HMGCLL1: variants seen among roughly 807,000 people sequenced by gnomAD.
HMGCLL1 encodes 3-hydroxy-3-methylglutaryl-CoA lyase like 1, also known as 3-hydroxymethyl-3-methylglutaryl-CoA lyase, cytoplasmic.
In HMGCLL1, 36 loss-of-function variants were observed where a neutral mutation model predicts 39.1. The observed-to-expected ratio is 0.92, with a 90% CI of 0.71 to 1.22. The LOEUF (loss-of-function observed/expected upper bound fraction) is 1.22. Among genes scored for constraint, HMGCLL1 ranks in the 50% most tolerant of loss-of-function variants. The pLI is 0.00. For synonymous variants in HMGCLL1, 149 were observed against 144.0 expected (o/e 1.03, Z -0.25); for missense variants, 451 against 416.5 (o/e 1.08, Z -0.72).
intron 7 of HMGCLL1, among the ~76,000 whole-genome samples, chr6:55,446,123 TA>T (rs1321276548): frequency 6.6e-6 from 1 of 151,814 alleles, no homozygotes; most frequent in Non-Finnish European, 1.5e-5. Flanking sequence ...CATTATAAAC[TA>T]AAGTGACTAT....
chr6:55,468,681 A>T (rs554193827), intron 7 of HMGCLL1, among the ~76,000 whole-genome samples: 13 of 152,002 alleles, frequency 8.6e-5, no homozygotes, highest in Non-Finnish European at 1.3e-4. Context: ...ATTTACAGAT[A>T]AGGGAACAAT....
chr6:55,655,058 A>G, the HMGCLL1 span, among the ~76,000 whole-genome samples: 1 of 151,918 alleles, frequency 6.6e-6, no homozygotes, highest in Non-Finnish European at 1.5e-5. Context: ...GATTAGCCAT[A>G]TTATAAATGT....
chr6:55,586,569 A>G, the HMGCLL1 span, among the ~76,000 whole-genome samples: 73,580 of 133,166 alleles, frequency 0.55, 19,010 homozygotes, highest in South Asian at 0.64. Context: ...AACAGGCCCC[A>G]GTGTGTGATG....
intron 7 of HMGCLL1, among the ~76,000 whole-genome samples, chr6:55,449,687 C>A (rs981685354): frequency 6.6e-6 from 1 of 152,178 alleles, no homozygotes; most frequent in Non-Finnish European, 1.5e-5. Context: ...GAACGTTTTA[C>A]GATTTTATTG....
At chr6:55,507,461 A>G (rs565550176) in intron 5 of HMGCLL1, among the ~76,000 whole-genome samples, 65 of 150,654 alleles carry the variant, frequency 4.3e-4, no homozygotes, top group African/African-American at 1.5e-3. Context: ...TATGTTCCCA[A>G]TGATCTGGGC....
chr6:55,617,024 A>G, the HMGCLL1 span, among the ~76,000 whole-genome samples: 2 of 152,194 alleles, frequency 1.3e-5, no homozygotes, highest in Non-Finnish European at 1.5e-5. Flanking sequence ...AAAGGATAAG[A>G]TTTTTAAAAA....
chr6:55,484,472 T>C (rs985341286), intron 7 of HMGCLL1, among the ~76,000 whole-genome samples: 10 of 152,098 alleles, frequency 6.6e-5, no homozygotes, highest in African/African-American at 2.4e-4. Context: ...AATTCTTTTA[T>C]ATGCAACTGC....
At chr6:55,599,350 C>A in the HMGCLL1 span, among the ~76,000 whole-genome samples, 1 of 152,096 alleles carries the variant, frequency 6.6e-6, no homozygotes, top group East Asian at 1.9e-4. Flanking sequence ...ATAATGGAAA[C>A]TTAGATATAA....
intron 7 of HMGCLL1, among the ~76,000 whole-genome samples, chr6:55,465,065 T>A (rs1764739997): frequency 6.6e-6 from 1 of 152,218 alleles, no homozygotes; most frequent in Admixed American, 6.5e-5. Flanking sequence ...TTTATTCTGA[T>A]TTATTTGTAT....
the HMGCLL1 span, among the ~76,000 whole-genome samples, chr6:55,623,454 CATTTCTTTCAAGAAATTTTAAA>C: frequency 6.6e-6 from 1 of 151,616 alleles, no homozygotes; most frequent in Non-Finnish European, 1.5e-5. Flanking sequence ...TTTCCATTTT[CATTTCTTTCAAGAAATTTTAAA>C]ATTTCTTTCT....
At chr6:55,592,937 A>C in the HMGCLL1 span, among the ~76,000 whole-genome samples, 1 of 152,164 alleles carries the variant, frequency 6.6e-6, no homozygotes, top group African/African-American at 2.4e-5. Flanking sequence ...GTTGGGCTAT[A>C]GCTGTCTTGC....
intron 7 of HMGCLL1, among the ~76,000 whole-genome samples, chr6:55,451,244 A>G (rs1374650045): frequency 6.6e-6 from 1 of 152,228 alleles, no homozygotes; most frequent in African/African-American, 2.4e-5. Context: ...TAATTTAGCC[A>G]AAATCCCTTA....
chr6:55,463,029 CTTT>C (rs34168815), intron 7 of HMGCLL1, among the ~76,000 whole-genome samples: 28,395 of 136,264 alleles, frequency 0.21, 3,431 homozygotes, highest in African/African-American at 0.38. Context: ...TTTTTTCTTT[CTTT>C]TTTTTTTTTT....
chr6:55,638,174 G>A, the HMGCLL1 span, among the ~76,000 whole-genome samples: 4 of 152,084 alleles, frequency 2.6e-5, no homozygotes, highest in Non-Finnish European at 5.9e-5. Context: ...GGGAGGCTGA[G>A]GTGGGTGGAT....
intron 3 of HMGCLL1, among the ~76,000 whole-genome samples, chr6:55,530,665 G>C (rs982843320): frequency 6.6e-6 from 1 of 151,948 alleles, no homozygotes; most frequent in African/African-American, 2.4e-5. Flanking sequence ...TAATGTGTAG[G>C]TTTTGACATG....
chr6:55,577,843 A>C (rs995687587), intron 1 of HMGCLL1, among the ~76,000 whole-genome samples: 7 of 152,218 alleles, frequency 4.6e-5, no homozygotes, highest in African/African-American at 1.7e-4. Flanking sequence ...GATAAAGGAT[A>C]ACTTTTCACC....
chr6:55,591,756 A>G, the HMGCLL1 span, among the ~76,000 whole-genome samples: 70 of 151,800 alleles, frequency 4.6e-4, no homozygotes, highest in Non-Finnish European at 8.7e-4. Flanking sequence ...CCATGGAAGT[A>G]CAATTCTCTA....
intron 1 of HMGCLL1, among the ~76,000 whole-genome samples, chr6:55,550,143 C>T (rs1291612054): frequency 2.0e-5 from 3 of 151,912 alleles, no homozygotes; most frequent in Non-Finnish European, 4.4e-5. Context: ...CTAAAGGTGG[C>T]AGAAGGGGTT....
intron 7 of HMGCLL1, among the ~76,000 whole-genome samples, chr6:55,477,449 A>ATATATAATATATATAT: frequency 8.2e-4 from 32 of 38,844 alleles, no homozygotes; most frequent in African/African-American, 5.2e-3. Flanking sequence ...TATATATATA[A>ATATATAATATATATAT]TATATTACAT....
Sources: allele counts gnomAD v4.1 joint callset (sites outside exome capture counted in the v4.1 genomes callset), GRCh38; gene constraint gnomAD v4.1.1; transcripts MANE v1.5; gene names NCBI Gene and HGNC (gene_info 2026-07-23, HGNC 2026-07-21).